SLC24A3: variants seen among roughly 807,000 people sequenced by gnomAD.
SLC24A3 encodes solute carrier family 24 member 3, also known as sodium/potassium/calcium exchanger 3.
Under a neutral mutation model 75.8 loss-of-function variants are expected in SLC24A3, and 28 were observed. The ratio of observed to expected loss-of-function variants is 0.37; its 90% CI spans 0.27 to 0.51. The LOEUF (loss-of-function observed/expected upper bound fraction) is 0.51, where lower values mean the gene tolerates loss of function less well. Among genes scored for constraint, SLC24A3 ranks in the 20% least tolerant of loss-of-function variants. The pLI, the probability that SLC24A3 is intolerant of heterozygous loss-of-function variation, is 0.94. For synonymous variants in SLC24A3, 372 were observed against 334.1 expected (o/e 1.11, Z -1.24); for missense variants, 663 against 847.8 (o/e 0.78, Z 2.71).
chr20:19,546,150 C>T (rs1379675089), intron 3 of SLC24A3, among the ~76,000 whole-genome samples: 3 of 42,574 alleles, frequency 7.0e-5, no homozygotes, highest in Non-Finnish European at 9.5e-5. Context: ...CAGAGCGAGA[C>T]TCCGTCTCAA....
chr20:19,408,686 G>A (rs112942538), intron 2 of SLC24A3, among the ~76,000 whole-genome samples: 6 of 152,176 alleles, frequency 3.9e-5, no homozygotes, highest in African/African-American at 9.6e-5. Flanking sequence ...CACCACACCC[G>A]GCCTAAAAAT....
chr20:19,606,239 A>G (rs1373120352), intron 6 of SLC24A3, among the ~76,000 whole-genome samples: 1 of 152,162 alleles, frequency 6.6e-6, no homozygotes, highest in Non-Finnish European at 1.5e-5. Context: ...CAGTGTGCAT[A>G]GCCTTGTCAT....
intron 2 of SLC24A3, among the ~76,000 whole-genome samples, chr20:19,487,569 A>C (rs143674670): frequency 1.3e-5 from 2 of 152,254 alleles, no homozygotes; most frequent in Non-Finnish European, 2.9e-5. Context: ...TCCCCAAGCT[A>C]ATACATATTT....
intron 2 of SLC24A3, among the ~76,000 whole-genome samples, chr20:19,332,501 A>C (rs540566139): frequency 9.8e-4 from 150 of 152,286 alleles, no homozygotes; most frequent in Non-Finnish European, 6.8e-4. Flanking sequence ...GCAACTCTAA[A>C]AATTTACCAG....
chr20:19,621,279 T>A (rs2031800983), intron 6 of SLC24A3, among the ~76,000 whole-genome samples: 1 of 152,174 alleles, frequency 6.6e-6, no homozygotes, highest in Admixed American at 6.5e-5. Context: ...AACCAATGAC[T>A]CAAAGCAGGC....
intron 2 of SLC24A3, among the ~76,000 whole-genome samples, chr20:19,342,808 C>T (rs1044941797): frequency 9.9e-5 from 15 of 152,236 alleles, no homozygotes; most frequent in Middle Eastern, 3.4e-3. Context: ...CGGTGGCCCA[C>T]GCCTGTAATC....
At chr20:19,652,074 A>G (rs1277206624) in intron 6 of SLC24A3, among the ~76,000 whole-genome samples, 1 of 152,078 alleles carries the variant, frequency 6.6e-6, no homozygotes, top group Non-Finnish European at 1.5e-5. Flanking sequence ...CAGTCTTTTG[A>G]TTGTTCTGTT....
chr20:19,382,012 C>T (rs1033212962), intron 2 of SLC24A3, among the ~76,000 whole-genome samples: 2 of 152,188 alleles, frequency 1.3e-5, no homozygotes, highest in Non-Finnish European at 1.5e-5. Flanking sequence ...AATGTCTGCT[C>T]TGAATTCGAC....
chr20:19,375,059 G>A (rs1206943802), intron 2 of SLC24A3, among the ~76,000 whole-genome samples: 1 of 152,066 alleles, frequency 6.6e-6, no homozygotes, highest in African/African-American at 2.4e-5. Flanking sequence ...TGCCTCATTG[G>A]CTGGTGTCTC....
intron 2 of SLC24A3, among the ~76,000 whole-genome samples, chr20:19,388,763 C>T (rs972134532): frequency 1.3e-5 from 2 of 152,134 alleles, no homozygotes; most frequent in Admixed American, 6.5e-5. Context: ...TCAGCCTATG[C>T]GTGTTCTTAA....
At chr20:19,461,473 C>G (rs1314269091) in intron 2 of SLC24A3, among the ~76,000 whole-genome samples, 2 of 151,312 alleles carry the variant, frequency 1.3e-5, no homozygotes, top group Admixed American at 1.3e-4. Context: ...TATGCATGCA[C>G]TGGGCACTTA....
At chr20:19,393,200 A>G (rs1205650778) in intron 2 of SLC24A3, among the ~76,000 whole-genome samples, 1 of 152,230 alleles carries the variant, frequency 6.6e-6, no homozygotes, top group Non-Finnish European at 1.5e-5. Context: ...CCATAGCCTG[A>G]CATCATTCTT....
chr20:19,407,753 T>C (rs1314190439), intron 2 of SLC24A3, among the ~76,000 whole-genome samples: 1 of 152,246 alleles, frequency 6.6e-6, no homozygotes, highest in Admixed American at 6.5e-5. Flanking sequence ...CTGAATCTTT[T>C]ATATTTTAGC....
At chr20:19,713,387 C>T (rs189952613) in intron 15 of SLC24A3, among the ~76,000 whole-genome samples, 1 of 152,290 alleles carries the variant, frequency 6.6e-6, no homozygotes, top group East Asian at 1.9e-4. Flanking sequence ...GTACATTGGG[C>T]AGAGACCACA....
chr20:19,483,182 G>A (rs1005850662), intron 2 of SLC24A3, among the ~76,000 whole-genome samples: 1 of 152,172 alleles, frequency 6.6e-6, no homozygotes, highest in African/African-American at 2.4e-5. Flanking sequence ...CTGTCCCACT[G>A]ACCATGGACT....
At chr20:19,677,664 CTT>C (rs958146893) in intron 9 of SLC24A3, among the ~76,000 whole-genome samples, 1 of 134,764 alleles carries the variant, frequency 7.4e-6, no homozygotes, top group African/African-American at 2.8e-5. Flanking sequence ...GCTGGATACT[CTT>C]TTAGGATTCT....
chr20:19,451,460 G>A (rs1287939167), intron 2 of SLC24A3, among the ~76,000 whole-genome samples: 1 of 152,208 alleles, frequency 6.6e-6, no homozygotes, highest in Non-Finnish European at 1.5e-5. Flanking sequence ...AGCCCTTTGA[G>A]CGGAGCCAAT....
intron 15 of SLC24A3, among the ~76,000 whole-genome samples, chr20:19,712,418 C>T (rs1488171108): frequency 1.3e-5 from 2 of 151,992 alleles, no homozygotes; most frequent in Non-Finnish European, 2.9e-5. Context: ...AGGACGACAT[C>T]AGCACCATAG....
At chr20:19,576,038 G>C (rs951883205) in intron 3 of SLC24A3, among the ~76,000 whole-genome samples, 1 of 152,132 alleles carries the variant, frequency 6.6e-6, no homozygotes, top group Non-Finnish European at 1.5e-5. Context: ...TGCTAGCCAT[G>C]TGTACTTGGG....
Sources: allele counts gnomAD v4.1 joint callset (sites outside exome capture counted in the v4.1 genomes callset), GRCh38; gene constraint gnomAD v4.1.1; transcripts MANE v1.5; gene names NCBI Gene and HGNC (gene_info 2026-07-23, HGNC 2026-07-21).